Variants in PSMD2 observed in about 807,000 individuals in gnomAD.
The protein encoded by PSMD2 is proteasome 26S subunit ubiquitin receptor, non-ATPase 2.
A neutral mutation model predicts 101.5 loss-of-function variants in PSMD2; 8 were observed. The ratio of observed to expected loss-of-function variants is 0.08; its 90% confidence interval spans 0.05 to 0.14. The LOEUF (loss-of-function observed/expected upper bound fraction) is 0.14, where lower values mean the gene tolerates loss of function less well. Ranked by LOEUF, PSMD2 falls within the 10% of genes least tolerant of loss-of-function variation. PSMD2 has a pLI of 1.00. For missense variants in PSMD2, 784 were observed against 1,147.4 expected (o/e 0.68, Z 4.58); for synonymous variants, 418 against 433.8 (o/e 0.96, Z 0.45).
In PSMD2 at chr3:184,304,552, A is replaced by T. The variant is rs1210250804; in HGVS notation, c.1539+161A>T. Among the ~76,000 whole-genome samples the T allele has an allele frequency of 6.6e-6, 1 of 152,188 alleles. No homozygotes were observed. Among genetic ancestry groups the T allele is most frequent in the Non-Finnish European group, 1.5e-5 (1 of 68,040 alleles). ...GGCGTCACCTCAGTGAAACCCCTTG[A>T]TCTGGGATTCTAAGCCTCTGGTGGT... On this transcript the variant is annotated intron_variant, in intron 12 of 20. Coordinates refer to ENST00000310118, the MANE Select transcript of PSMD2 (RefSeq NM_002808.5). The surrounding 1 kb of genome is among the most constrained non-coding windows in gnomAD (Gnocchi z 4.1).
Position 184,306,744 on chromosome 3 carries a change from A to G in PSMD2, c.1951-7A>G, listed in dbSNP as rs751085338. Reference sequence around the variant, plus strand: ...CTTAATGGGTTCTGCTCTCTCTTCAATTGCAGGGAGTGGCTGTTCTGGGGA... The same window carrying G: ...CTTAATGGGTTCTGCTCTCTCTTCAGTTGCAGGGAGTGGCTGTTCTGGGGA... On this transcript the variant is annotated splice_region_variant and splice_polypyrimidine_tract_variant and intron_variant, in intron 15 of 20. Coordinates refer to ENST00000310118, the MANE Select transcript of PSMD2 (RefSeq NM_002808.5). 19 of 1,612,440 alleles carry G rather than the reference A, an allele frequency of 1.2e-5. No homozygotes were observed. The highest frequency in any genetic ancestry group is 2.2e-5 in the South Asian group (2 of 90,886).
At chr3:184,300,717 C>G in intron 3 of PSMD2, 3 of 1,082,614 alleles carry the variant, frequency 2.8e-6, no homozygotes, top group Non-Finnish European at 3.5e-6. Context: ...CTCTTTTCTT[C>G]TATCCCATAT....
At position 184,304,963 on chromosome 3, in the gene PSMD2, G is replaced by A. The variant is rs536986364; in HGVS notation, c.1539+572G>A. On this transcript the variant is annotated intron_variant, in intron 12 of 20. Transcript: ENST00000310118. The surrounding 1 kb of genome is among the most constrained non-coding windows in gnomAD (Gnocchi z 4.1). ...AATCTCTGAGAAACTACTTGGACTA[G>A]AGTGAAGTGTAACTTAACACAGCCT... Among the ~76,000 whole-genome samples, 5 of 152,286 alleles carry A rather than the reference G, an allele frequency of 3.3e-5. No individual in the cohort carries two copies. The South Asian group carries it at 1.0e-3, about 32-fold the overall frequency.
chr3:184,301,387 A>T, intron 3 of PSMD2, 150 bp from the exon 4 acceptor site: 19 of 898,768 alleles, frequency 2.1e-5, no homozygotes, highest in African/African-American at 3.4e-5. Context: ...GGTTTTTGTG[A>T]GGTTTAGCTT....
intron 14 of PSMD2, 32 bp from the exon 15 acceptor site, chr3:184,306,318 T>A: frequency 6.2e-7 from 1 of 1,608,244 alleles, no homozygotes; most frequent in Non-Finnish European, 8.5e-7. Flanking sequence ...ACTTCTCATT[T>A]CTGTCCATTC....
At position 184,307,438 on chromosome 3, in the gene PSMD2, A is replaced by G; in HGVS notation, c.2116A>G (p.Ile706Val). 1 of 1,614,154 alleles carries G rather than the reference A, an allele frequency of 6.2e-7. No homozygotes were observed. ...CTCTGTTTCAAATCCACGACTCAAC[A>G]TCCTGGATACCCTAAGCAAATTCTC... is the stretch of plus-strand genomic sequence containing the variant. ...LISVSNPRLNILDTLSKFSHD... is the reference protein window; with the variant it reads ...LISVSNPRLNVLDTLSKFSHD... Residue 706 changes from isoleucine to valine, a missense_variant, in exon 17 of 21, where the codon ATC becomes GTC. By Grantham distance (29) the Ile-to-Val change is conservative. This residue lies in a region of PSMD2 where 282 missense variants were observed against 437.6 expected (regional missense o/e 0.64). Transcript: ENST00000310118.
chr3:184,301,946 C>G lies in PSMD2; in HGVS notation c.579C>G (p.Pro193=). ...PLLTLVKEIV[P]YNMAHNAEHE... ...TCACTCTGGTGAAGGAAATCGTCCC[C>G]TATAACATGGCCCACAATGCAGAGC... The change falls in exon 5 of 21, where the codon CCC becomes CCG. Residue 193 remains proline, a synonymous_variant. Coordinates refer to ENST00000310118, the MANE Select transcript of PSMD2 (RefSeq NM_002808.5). The G allele has an allele frequency of 6.2e-7, 1 of 1,614,194 alleles. No individual in the cohort carries two copies. Among genetic ancestry groups the G allele is most frequent in the Non-Finnish European group, 8.5e-7 (1 of 1,180,040 alleles).
Position 184,306,457 on chromosome 3 carries a change from G to A in PSMD2, c.1912G>A (p.Asp638Asn), listed in dbSNP as rs1721835072. The stretch of plus-strand genomic sequence containing the variant: ...AGACAAGAAGGAAAAGAAAGACAAG[G>A]ACAAGAAGGAAGCCCCTGCTGACAT... ...DKDKKEKKDK[D>N]KKEAPADMGA... The change falls in exon 15 of 21, where the codon GAC becomes AAC. Residue 638 changes from aspartate (D) to asparagine (N), a missense_variant. By Grantham distance (23) the Asp-to-Asn change is conservative. Around this residue, in one of 6 missense-constraint regions of PSMD2, gnomAD observed 282 missense variants for 437.6 expected, o/e 0.64. Coordinates refer to ENST00000310118, the MANE Select transcript of PSMD2 (RefSeq NM_002808.5). The A allele has an allele frequency of 1.9e-6, 3 of 1,614,150 alleles. No individual in the cohort carries two copies. The highest frequency in any genetic ancestry group is 2.5e-6 in the Non-Finnish European group (3 of 1,180,022).
chr3:184,307,805 C>G, intron 18 of PSMD2, 85 bp from the exon 19 acceptor site: 2 of 1,605,118 alleles, frequency 1.2e-6, no homozygotes, highest in African/African-American at 1.3e-5. Flanking sequence ...AAGATGTGAC[C>G]AAGTGGGAGA....
rs759334901 is a variant in PSMD2, at chr3:184,304,430, A to T, written c.1539+39A>T. ...ATTGAGCATTTAGAGTAAGTAGGGA[A>T]GGTGCTTTGAGTCTTACTTTCTGTG... On this transcript the variant is annotated intron_variant, in intron 12 of 20. Transcript: ENST00000310118. This position sits in a 1 kb window ranked among gnomAD's most constrained non-coding sequence, Gnocchi z 4.1. 6.4e-5 allele frequency: 101 copies of T among 1,572,274 alleles called. No homozygotes were observed. In the East Asian group the frequency reaches 2.2e-3, roughly 34 times the overall value.
rs1484891414 is a variant in PSMD2, at chr3:184,307,435, A to C, written c.2113A>C (p.Asn705His). 6.2e-7 allele frequency: 1 copy of C among 1,614,012 alleles called. No individual in the cohort carries two copies. Among genetic ancestry groups the C allele is most frequent in the African/African-American group, 1.3e-5 (1 of 74,926 alleles). The part of the protein sequence containing the change: ...ALISVSNPRL[N>H]ILDTLSKFSH... ...CATCTCTGTTTCAAATCCACGACTCAACATCCTGGATACCCTAAGCAAATT... is the reference window on the plus strand; with the variant it reads ...CATCTCTGTTTCAAATCCACGACTCCACATCCTGGATACCCTAAGCAAATT... Residue 705 changes from asparagine (N) to histidine (H), a missense_variant, in exon 17 of 21, where the codon AAC becomes CAC. Transcript: ENST00000310118.
At chr3:184,302,960 G>A (rs1721697199) in intron 7 of PSMD2, 42 bp from the exon 8 acceptor site, 8 of 1,612,568 alleles carry the variant, frequency 5.0e-6, no homozygotes, top group South Asian at 1.1e-5. Context: ...ACAGCTGGGG[G>A]AGTTCTAGGG....
At chr3:184,307,819 C>T in intron 18 of PSMD2, 71 bp from the exon 19 acceptor site, 1 of 1,608,978 alleles carries the variant, frequency 6.2e-7, no homozygotes, top group Non-Finnish European at 8.5e-7. Flanking sequence ...TGGGAGATTT[C>T]TGTTTGGCTG....
At chr3:184,303,092 G>A (rs199868578) in intron 8 of PSMD2, 30 bp downstream of exon 8, 1 of 1,606,672 alleles carries the variant, frequency 6.2e-7, no homozygotes, top group African/African-American at 1.3e-5. Flanking sequence ...TATGGGATTT[G>A]GGGGATTGTA....
chr3:184,303,287 C>G (rs1375262481), intron 8 of PSMD2, 33 bp from the exon 9 acceptor site: 1 of 1,601,366 alleles, frequency 6.2e-7, no homozygotes, highest in African/African-American at 1.3e-5. Context: ...CTGAAACCTT[C>G]TTTCCTTACT....
Position 184,304,112 on chromosome 3 carries a change from C to G in PSMD2, c.1451+38C>G. 6.2e-7 allele frequency: 1 copy of G among 1,611,852 alleles called. No individual in the cohort carries two copies. Among genetic ancestry groups the G allele is most frequent in the African/African-American group, 1.3e-5 (1 of 74,996 alleles). The stretch of plus-strand genomic sequence containing the variant: ...GCTTGTCTTTCTGGTAGTGCTCAGC[C>G]TGTACACTCTGGAGAACAGGAACTG... On this transcript the variant is annotated intron_variant, in intron 11 of 20. Coordinates refer to ENST00000310118, the MANE Select transcript of PSMD2 (RefSeq NM_002808.5). The surrounding 1 kb of genome is among the most constrained non-coding windows in gnomAD (Gnocchi z 4.1).
intron 3 of PSMD2, among the ~76,000 whole-genome samples, 176 bp from the exon 4 acceptor site, chr3:184,301,361 C>T (rs1325322412): frequency 6.6e-6 from 1 of 150,480 alleles, no homozygotes; most frequent in Non-Finnish European, 1.5e-5. Context: ...AAGGAGATAG[C>T]AACAACACCA....
intron 13 of PSMD2, 59 bp from the exon 14 acceptor site, chr3:184,305,995 G>A (rs1721819225): frequency 1.2e-6 from 2 of 1,613,384 alleles, no homozygotes; most frequent in South Asian, 1.1e-5. Context: ...GAGGGTTTAT[G>A]TGTCAGGCTG....
rs1263805755 is a variant in PSMD2, at chr3:184,303,972, T to C, written c.1349T>C (p.Ile450Thr). 6.2e-7 allele frequency: 1 copy of C among 1,614,278 alleles called. No individual in the cohort carries two copies. The highest frequency in any genetic ancestry group is 8.5e-7 in the Non-Finnish European group (1 of 1,180,048). The change falls in exon 11 of 21, where the codon ATA (isoleucine) becomes ACA (threonine). Residue 450 changes from isoleucine (I) to threonine (T), a missense_variant. This residue lies in a region of PSMD2 where 37 missense variants were observed against 107.0 expected (regional missense o/e 0.35). Coordinates refer to ENST00000310118, the MANE Select transcript of PSMD2 (RefSeq NM_002808.5). ...IKSGALLACGIVNSGVRNECD... is the reference protein window; with the variant it reads ...IKSGALLACGTVNSGVRNECD... ...TCAGGAGCTCTTCTTGCCTGTGGCA[T>C]AGTGAACTCTGGGGTCCGGAATGAG...
Sources: allele counts gnomAD v4.1 joint callset (sites outside exome capture counted in the v4.1 genomes callset), GRCh38; gene constraint gnomAD v4.1.1; regional missense constraint gnomAD v4.1.1; non-coding constraint Gnocchi (gnomAD v3.1); transcripts MANE v1.5; gene names NCBI Gene and HGNC (gene_info 2026-07-23, HGNC 2026-07-21).